Variants in USH2A observed in about 807,000 individuals in gnomAD.
USH2A encodes the protein usherin, also known as Usher syndrome 2A (autosomal recessive, mild).
A neutral mutation model predicts 538.9 loss-of-function variants in USH2A; 443 were observed. The observed-to-expected ratio is 0.82, with a 90% CI of 0.76 to 0.89. The LOEUF (loss-of-function observed/expected upper bound fraction) is 0.89, where lower values mean the gene tolerates loss of function less well. USH2A is among the 40% of genes least tolerant of loss of function. The probability of loss-of-function intolerance (pLI) is 0.00; values close to 1 mark genes in which losing one functional copy is unlikely to be tolerated. For missense variants in USH2A, 6,633 were observed against 6,324.8 expected, an observed-to-expected ratio of 1.05 and a Z score of -1.65; for synonymous variants, 2,413 against 2,273.5, an observed-to-expected ratio of 1.06 and a Z score of -1.75.
intron 70 of USH2A, among the ~76,000 whole-genome samples, chr1:215,630,527 TGA>T (rs371310533): frequency 4.9e-4 from 60 of 121,764 alleles, no homozygotes; most frequent in African/African-American, 2.0e-3. Flanking sequence ...TATATATATA[TGA>T]GAGAGAGAAA....
At chr1:215,708,323 C>T (rs1659241256) in intron 61 of USH2A, among the ~76,000 whole-genome samples, 1 of 152,008 alleles carries the variant, frequency 6.6e-6, no homozygotes, top group Admixed American at 6.6e-5. Context: ...TGTCATATAC[C>T]CAGTTGGCAT....
intron 61 of USH2A, among the ~76,000 whole-genome samples, chr1:215,704,175 G>A (rs914122141): frequency 2.6e-5 from 4 of 152,162 alleles, no homozygotes; most frequent in Admixed American, 6.5e-5. Flanking sequence ...GGGATGAACC[G>A]GGTATCTCAG....
intron 61 of USH2A, among the ~76,000 whole-genome samples, chr1:215,706,131 C>G (rs187625088): frequency 2.0e-5 from 3 of 152,266 alleles, no homozygotes; most frequent in Middle Eastern, 3.4e-3. Flanking sequence ...AGGGGAAGAA[C>G]CAGGATTTGC....
chr1:215,773,512 G>GTCTCTCTCTCTCTCTCTC (rs939463487), intron 55 of USH2A, among the ~76,000 whole-genome samples: 1 of 94,864 alleles, frequency 1.1e-5, no homozygotes, highest in Non-Finnish European at 2.2e-5. Context: ...CTCTCTCTCT[G>GTCTCTCTCTCTCTCTCTC]TCTCTCTCTC....
Position 216,324,503 on chromosome 1 carries a change from G to T in USH2A, c.1144-151C>A, listed in dbSNP as rs185772418. 6 of 738,460 alleles carry T rather than the reference G, an allele frequency of 8.1e-6. No individual in the cohort carries two copies. The African/African-American group carries it at 8.9e-5, about 11-fold the overall frequency. The allele number at this position is 738,460 out of a possible 1,614,324, so 45.7% of individuals were successfully genotyped here. ...GTATTAGACATCCAGAAACTTCATA[G>T]CCCTGTGGTAAAAGCAACATATTCT... On this transcript the variant is annotated intron_variant, in intron 6 of 71. Transcript: ENST00000307340.
chr1:216,409,000 G>A (rs2039438848), intron 3 of USH2A, among the ~76,000 whole-genome samples: 2 of 152,140 alleles, frequency 1.3e-5, no homozygotes, highest in Non-Finnish European at 2.9e-5. Context: ...TTCAGACTGT[G>A]GTTGACTGTG....
chr1:215,746,436 A>G (rs2102730789), intron 58 of USH2A, among the ~76,000 whole-genome samples: 1 of 140,658 alleles, frequency 7.1e-6, no homozygotes, highest in East Asian at 2.3e-4. Flanking sequence ...AATAATAAAT[A>G]ATGCTGTACA....
chr1:215,935,760 G>T lies in USH2A; in HGVS notation c.7121-965C>A, dbSNP rs1319144528. ...AAATTTATGAGACAATTTTTTAAAT[G>T]CTGCTTAATGTTTGTCACTTTTAGA... On this transcript the variant is annotated intron_variant, in intron 37 of 71. Coordinates refer to ENST00000307340, the MANE Select transcript of USH2A (RefSeq NM_206933.4). Among the ~76,000 whole-genome samples the T allele has an allele frequency of 3.9e-5, 6 of 151,928 alleles. No homozygotes were observed. In the East Asian group the frequency reaches 9.7e-4, roughly 24 times the overall value.
chr1:216,419,316 G>A (rs1251272394), intron 2 of USH2A, among the ~76,000 whole-genome samples: 3 of 152,082 alleles, frequency 2.0e-5, no homozygotes, highest in Admixed American at 6.6e-5. Flanking sequence ...TGAGGTGAAA[G>A]GTCCTTCAGC....
At chr1:216,018,159 C>G (rs1462095513) in intron 32 of USH2A, among the ~76,000 whole-genome samples, 2 of 152,150 alleles carry the variant, frequency 1.3e-5, no homozygotes, top group Non-Finnish European at 2.9e-5. Context: ...TAAGCATAAA[C>G]TCTTAGAAGT....
intron 43 of USH2A, among the ~76,000 whole-genome samples, chr1:215,872,733 G>A (rs187559139): frequency 1.6e-4 from 25 of 152,110 alleles, no homozygotes; most frequent in Admixed American, 9.8e-4. Context: ...AATGGGATGT[G>A]CTTGGATCAT....
At chr1:215,705,344 C>T (rs773226814) in intron 61 of USH2A, among the ~76,000 whole-genome samples, 2 of 152,054 alleles carry the variant, frequency 1.3e-5, no homozygotes, top group Non-Finnish European at 2.9e-5. Context: ...AATGCCAAAT[C>T]ATAGTATGAT....
At chr1:215,870,348 G>A (rs1156637047) in intron 43 of USH2A, among the ~76,000 whole-genome samples, 1 of 151,022 alleles carries the variant, frequency 6.6e-6, no homozygotes, top group Non-Finnish European at 1.5e-5. Flanking sequence ...AGGCTGGAGT[G>A]CAGTGGCGCG....
intron 63 of USH2A, 114 bp downstream of exon 63, chr1:215,673,986 T>C (rs891342458): frequency 5.1e-6 from 8 of 1,569,028 alleles, no homozygotes; most frequent in African/African-American, 1.3e-5. Context: ...TGGATGGAGG[T>C]TGGGGACACC....
intron 40 of USH2A, among the ~76,000 whole-genome samples, chr1:215,891,519 A>G (rs1255199278): frequency 1.3e-5 from 2 of 152,228 alleles, no homozygotes; most frequent in South Asian, 4.1e-4. Context: ...TATGTAAAAC[A>G]TGAGTAATAA....
intron 61 of USH2A, among the ~76,000 whole-genome samples, chr1:215,697,996 G>A (rs1397057607): frequency 1.3e-5 from 2 of 152,050 alleles, no homozygotes; most frequent in Admixed American, 1.3e-4. Flanking sequence ...GCCCCTGACA[G>A]GCCCCAGTGT....
At chr1:215,815,643 TTC>T (rs1272546497) in intron 48 of USH2A, among the ~76,000 whole-genome samples, 1 of 152,090 alleles carries the variant, frequency 6.6e-6, no homozygotes, top group African/African-American at 2.4e-5. Flanking sequence ...GTAAATATTA[TTC>T]TGTTAATACT....
chr1:215,993,752 A>C (rs1668067380), intron 34 of USH2A, among the ~76,000 whole-genome samples: 2 of 152,228 alleles, frequency 1.3e-5, no homozygotes, highest in African/African-American at 2.4e-5. Flanking sequence ...TTTTGAGTGA[A>C]TGTTTAATGG....
intron 40 of USH2A, among the ~76,000 whole-genome samples, chr1:215,891,483 T>C (rs2102462703): frequency 6.6e-6 from 1 of 152,256 alleles, no homozygotes; most frequent in South Asian, 2.1e-4. Flanking sequence ...GGCCTGCAAC[T>C]GCATGGTTGA....
Sources: gnomAD v4.1 joint callset for allele counts (sites outside exome capture counted in the v4.1 genomes callset) on GRCh38, gnomAD v4.1.1 for gene constraint, MANE v1.5 for transcripts, NCBI Gene and HGNC (gene_info 2026-07-23, HGNC 2026-07-21) for gene names.